Variants in MYO3B observed in about 807,000 individuals in gnomAD.
The protein encoded by MYO3B is myosin-IIIb.
In MYO3B, 156 loss-of-function variants were observed where a neutral mutation model predicts 174.6. That is an observed-to-expected ratio of 0.89 (90% CI 0.78 to 1.02). MYO3B has a LOEUF of 1.02. Among genes scored for constraint, MYO3B ranks in the 50% least tolerant of loss-of-function variants. The pLI, the probability that MYO3B is intolerant of heterozygous loss-of-function variation, is 0.00. For missense variants in MYO3B, 1,632 were observed against 1,639.4 expected, an observed-to-expected ratio of 1.00 and a Z score of 0.08; for synonymous variants, 563 against 569.1, an observed-to-expected ratio of 0.99 and a Z score of 0.15.
At chr2:170,500,932 G>C (rs912478758) in intron 27 of MYO3B, among the ~76,000 whole-genome samples, 2 of 152,164 alleles carry the variant, frequency 1.3e-5, no homozygotes, top group Non-Finnish European at 2.9e-5. Context: ...TTAAGTTCCT[G>C]TGCAATAGAC....
At chr2:170,606,881 G>A (rs1457014067) in intron 32 of MYO3B, among the ~76,000 whole-genome samples, 4 of 152,190 alleles carry the variant, frequency 2.6e-5, no homozygotes, top group Non-Finnish European at 5.9e-5. Context: ...TTAGCCAGGC[G>A]TGGTGGCACA....
intron 7 of MYO3B, among the ~76,000 whole-genome samples, chr2:170,259,961 G>GAA (rs370610648): frequency 4.3e-5 from 6 of 138,994 alleles, no homozygotes; most frequent in African/African-American, 7.9e-5. Flanking sequence ...CAACAAACAT[G>GAA]AAAAAAAAAA....
At chr2:170,477,637 A>G (rs944542274) in intron 25 of MYO3B, among the ~76,000 whole-genome samples, 6 of 151,386 alleles carry the variant, frequency 4.0e-5, no homozygotes, top group African/African-American at 1.5e-4. Context: ...TGGACCAGAT[A>G]ATTCTTTGTT....
chr2:170,405,006 G>A (rs183771844), intron 20 of MYO3B, among the ~76,000 whole-genome samples: 19 of 152,314 alleles, frequency 1.2e-4, no homozygotes, highest in African/African-American at 4.3e-4. Context: ...GGTGCTTGGG[G>A]CAATGAAGCC....
At chr2:170,652,868 C>G in intron 34 of MYO3B, 115 bp from the exon 35 acceptor site, 1 of 1,131,012 alleles carries the variant, frequency 8.8e-7, no homozygotes, top group Non-Finnish European at 1.3e-6. Flanking sequence ...TCCTTCCCCT[C>G]CAGTGTTGGA....
Position 170,404,474 on chromosome 2 carries a change from T to C in MYO3B, c.2431+74T>C, listed in dbSNP as rs2094498106. ...CTTGTGTCATCAATTGAGTGTACTTTAATGAATTTACCTTACATATTTTGT... is the reference window on the plus strand; with the variant it reads ...CTTGTGTCATCAATTGAGTGTACTTCAATGAATTTACCTTACATATTTTGT... On this transcript the variant is annotated intron_variant, in intron 20 of 34. Transcript: ENST00000408978. The C allele has an allele frequency of 1.1e-5, 16 of 1,417,518 alleles. No homozygotes were observed. The South Asian group carries it at 2.4e-4, about 21-fold the overall frequency. 87.8% of individuals were successfully genotyped at this position (1,417,518 alleles called of 1,614,324 possible). A position where few individuals can be genotyped will look rare whatever the true frequency, so the allele number is the denominator to read the frequency against.
chr2:170,226,205 C>T (rs1375474297), intron 6 of MYO3B, among the ~76,000 whole-genome samples: 2 of 152,178 alleles, frequency 1.3e-5, no homozygotes, highest in African/African-American at 2.4e-5. Flanking sequence ...GGTCATATCA[C>T]TGTGAGGAAT....
chr2:170,514,075 C>A (rs12620750), intron 28 of MYO3B, among the ~76,000 whole-genome samples: 2 of 152,116 alleles, frequency 1.3e-5, no homozygotes, highest in Admixed American at 6.5e-5. Flanking sequence ...GTTATTGCCT[C>A]GGGGCAGGAC....
At chr2:170,260,050 A>G (rs550818664) in intron 7 of MYO3B, among the ~76,000 whole-genome samples, 1 of 152,214 alleles carries the variant, frequency 6.6e-6, no homozygotes, top group Non-Finnish European at 1.5e-5. Context: ...AATGGCTATT[A>G]TTAAAAAGTC....
At chr2:170,583,596 T>C (rs1559136068) in intron 32 of MYO3B, among the ~76,000 whole-genome samples, 1 of 152,242 alleles carries the variant, frequency 6.6e-6, no homozygotes, top group Non-Finnish European at 1.5e-5. Flanking sequence ...GGATTGTCTA[T>C]GCATAGTAAA....
intron 32 of MYO3B, chr2:170,646,962 TA>T (rs1284609854): frequency 7.6e-7 from 1 of 1,310,990 alleles, no homozygotes; most frequent in Non-Finnish European, 1.0e-6. Context: ...CAATTGTTTT[TA>T]TCTTTCTGTT....
chr2:170,219,908 G>A (rs76531662), intron 6 of MYO3B, among the ~76,000 whole-genome samples: 3,491 of 152,272 alleles, frequency 0.023, 149 homozygotes, highest in African/African-American at 0.08. Flanking sequence ...ATATAATTAA[G>A]AGAAGCATTT....
At chr2:170,632,425 A>G (rs1048699485) in intron 32 of MYO3B, among the ~76,000 whole-genome samples, 1 of 152,226 alleles carries the variant, frequency 6.6e-6, no homozygotes, top group Non-Finnish European at 1.5e-5. Context: ...GTTCTTTGAA[A>G]CCAACGAGAA....
At chr2:170,204,764 A>C (rs375157941) in intron 3 of MYO3B, among the ~76,000 whole-genome samples, 3 of 152,276 alleles carry the variant, frequency 2.0e-5, no homozygotes, top group East Asian at 3.9e-4. Flanking sequence ...GGCGGGAATA[A>C]AGGGCTGATA....
In MYO3B at chr2:170,399,197, G is replaced by A. The variant is rs549049655; in HGVS notation, c.1792-991G>A. Among the ~76,000 whole-genome samples the A allele has an allele frequency of 3.7e-3, 506 of 137,994 alleles. 1 individual carries two copies. The highest frequency in any genetic ancestry group is 0.029 in the Middle Eastern group (7 of 238). 90.5% of individuals were successfully genotyped at this position (137,994 alleles called of 152,430 possible). On this transcript the variant is annotated intron_variant, in intron 16 of 34. Coordinates refer to ENST00000408978, the MANE Select transcript of MYO3B (RefSeq NM_138995.5). ...GCAGAGGTTGCAGTGAGCCGAGATC[G>A]CGCCATTGCACTCCAGCCTGGGCAA...
At position 170,558,257 on chromosome 2, in the gene MYO3B, T is replaced by C. The variant is rs189111369; in HGVS notation, c.3733+14269T>C. ...CGGAGCTTGCGGTGAGCTGAGATCGTACCACTGTACTCCAGCCTGGTACAG... is the reference window on the plus strand; with the variant it reads ...CGGAGCTTGCGGTGAGCTGAGATCGCACCACTGTACTCCAGCCTGGTACAG... On this transcript the variant is annotated intron_variant, in intron 32 of 34. Transcript: ENST00000408978. Among the ~76,000 whole-genome samples the C allele has an allele frequency of 1.3e-3, 199 of 151,354 alleles. 3 individuals are homozygous for C. In the East Asian group the frequency reaches 0.035, roughly 27 times the overall value.
chr2:170,384,927 A>G (rs1193471464), intron 12 of MYO3B, among the ~76,000 whole-genome samples: 3 of 152,198 alleles, frequency 2.0e-5, no homozygotes, highest in Non-Finnish European at 2.9e-5. Context: ...TGGAGTACCT[A>G]GGCTTCTCAC....
chr2:170,558,264 G>A (rs1352315882), intron 32 of MYO3B, among the ~76,000 whole-genome samples: 2 of 151,044 alleles, frequency 1.3e-5, no homozygotes, highest in African/African-American at 4.9e-5. Context: ...TCGTACCACT[G>A]TACTCCAGCC....
intron 32 of MYO3B, among the ~76,000 whole-genome samples, chr2:170,639,729 C>T (rs1334633064): frequency 2.6e-5 from 4 of 152,292 alleles, no homozygotes; most frequent in Non-Finnish European, 4.4e-5. Flanking sequence ...AAGATAGTCT[C>T]CCTAGGTCAG....
Sources: allele counts gnomAD v4.1 joint callset (sites outside exome capture counted in the v4.1 genomes callset), GRCh38; gene constraint gnomAD v4.1.1; transcripts MANE v1.5; gene names NCBI Gene and HGNC (gene_info 2026-07-23, HGNC 2026-07-21).